PRKAR2B: variants seen among roughly 807,000 people sequenced by gnomAD.
PRKAR2B encodes the protein cAMP-dependent protein kinase type II-beta regulatory subunit.
In PRKAR2B, 14 loss-of-function variants were observed where a neutral mutation model predicts 49.9. The observed-to-expected ratio is 0.28, with a 90% CI of 0.19 to 0.44. PRKAR2B has a LOEUF of 0.44. Ranked by LOEUF, PRKAR2B falls within the 20% of genes least tolerant of loss-of-function variation. The probability of loss-of-function intolerance (pLI) is 1.00; values close to 1 mark genes in which losing one functional copy is unlikely to be tolerated. For missense variants in PRKAR2B, 393 were observed against 537.9 expected, an observed-to-expected ratio of 0.73 and a Z score of 2.67; for synonymous variants, 196 against 197.7, an observed-to-expected ratio of 0.99 and a Z score of 0.07.
At chr7:107,089,393 A>G (rs1794679211) in intron 2 of PRKAR2B, among the ~76,000 whole-genome samples, 1 of 152,150 alleles carries the variant, frequency 6.6e-6, no homozygotes, top group East Asian at 1.9e-4. Context: ...TAACAGATGG[A>G]TTTATCTTCC....
chr7:107,148,325 C>T (rs868699492), intron 6 of PRKAR2B, among the ~76,000 whole-genome samples: 3 of 152,282 alleles, frequency 2.0e-5, no homozygotes, highest in African/African-American at 2.4e-5. Context: ...CCTTGCACAT[C>T]TTCAGAATAA....
chr7:107,065,083 TAC>T (rs1015718476), intron 1 of PRKAR2B, among the ~76,000 whole-genome samples: 10 of 152,238 alleles, frequency 6.6e-5, no homozygotes, highest in Non-Finnish European at 1.2e-4. Flanking sequence ...GGTTTCAATT[TAC>T]ACAGTTTCTA....
intron 3 of PRKAR2B, 97 bp downstream of exon 3, chr7:107,122,101 C>G: frequency 1.4e-6 from 1 of 721,618 alleles, no homozygotes; most frequent in Non-Finnish European, 2.2e-6. Context: ...TGTAGGTTAA[C>G]AGGAGACATA....
chr7:107,145,546 T>C (rs961954510), intron 5 of PRKAR2B, among the ~76,000 whole-genome samples: 1 of 152,124 alleles, frequency 6.6e-6, no homozygotes, highest in Admixed American at 6.5e-5. Flanking sequence ...CAGTCAGTGA[T>C]TTGATAAATG....
intron 2 of PRKAR2B, among the ~76,000 whole-genome samples, chr7:107,110,271 C>T (rs1028572997): frequency 6.6e-6 from 1 of 152,120 alleles, no homozygotes; most frequent in African/African-American, 2.4e-5. Context: ...TGGAAAGTTC[C>T]GGCAAGCCTC....
At chr7:107,093,823 C>T (rs2116803674) in intron 2 of PRKAR2B, among the ~76,000 whole-genome samples, 1 of 152,224 alleles carries the variant, frequency 6.6e-6, no homozygotes, top group Admixed American at 6.5e-5. Flanking sequence ...CATCCATGTC[C>T]CTACAAAGGG....
At chr7:107,100,725 A>G (rs891695925) in intron 2 of PRKAR2B, among the ~76,000 whole-genome samples, 1 of 151,612 alleles carries the variant, frequency 6.6e-6, no homozygotes, top group African/African-American at 2.4e-5. Context: ...TTAATCTGTC[A>G]TCAGGTTCCT....
intron 2 of PRKAR2B, among the ~76,000 whole-genome samples, chr7:107,113,462 C>G (rs1182749222): frequency 1.3e-5 from 2 of 152,086 alleles, no homozygotes; most frequent in Admixed American, 6.5e-5. Flanking sequence ...AAATCCTTAC[C>G]AGACCATTTT....
intron 10 of PRKAR2B, 121 bp downstream of exon 10, chr7:107,157,445 C>G: frequency 7.7e-7 from 1 of 1,298,970 alleles, no homozygotes; most frequent in South Asian, 1.7e-5. Context: ...CAAAAGGTAA[C>G]AAGATTAGGA....
chr7:107,089,630 A>G (rs566221912), intron 2 of PRKAR2B, among the ~76,000 whole-genome samples: 1 of 152,380 alleles, frequency 6.6e-6, no homozygotes, highest in Non-Finnish European at 1.5e-5. Context: ...TCTAAAAACA[A>G]TAAAGCTATT....
At chr7:107,077,522 A>G (rs968711192) in intron 2 of PRKAR2B, 5 of 152,350 alleles carry the variant, frequency 3.3e-5, no homozygotes, top group Admixed American at 2.6e-4. Context: ...AGGTATTTCT[A>G]TTCAGTATTA....
At chr7:107,051,206 T>C (rs936159038) in intron 1 of PRKAR2B, among the ~76,000 whole-genome samples, 5 of 152,242 alleles carry the variant, frequency 3.3e-5, no homozygotes, top group Non-Finnish European at 7.3e-5. Flanking sequence ...ATTTTTTCTG[T>C]CTTCCATCAA....
chr7:107,055,399 CA>C (rs1308603045), intron 1 of PRKAR2B, among the ~76,000 whole-genome samples: 1 of 152,216 alleles, frequency 6.6e-6, no homozygotes, highest in Non-Finnish European at 1.5e-5. Context: ...CTGACTTCCA[CA>C]ATGGTTGAAC....
chr7:107,093,675 T>C (rs1447243449), intron 2 of PRKAR2B, among the ~76,000 whole-genome samples: 7 of 119,556 alleles, frequency 5.9e-5, no homozygotes, highest in Non-Finnish European at 1.0e-4. Flanking sequence ...CCCCACCCCA[T>C]GACAGGCCCC....
At chr7:107,083,775 G>C (rs1407205860) in intron 2 of PRKAR2B, among the ~76,000 whole-genome samples, 1 of 152,016 alleles carries the variant, frequency 6.6e-6, no homozygotes, top group Non-Finnish European at 1.5e-5. Context: ...ACCATGCCTG[G>C]CTAATTTTTG....
At chr7:107,082,412 G>A (rs1351592789) in intron 2 of PRKAR2B, among the ~76,000 whole-genome samples, 1 of 151,972 alleles carries the variant, frequency 6.6e-6, no homozygotes, top group Admixed American at 6.6e-5. Context: ...TATATGAAGA[G>A]AGCTATTTAA....
At chr7:107,103,329 A>C (rs143231207) in intron 2 of PRKAR2B, among the ~76,000 whole-genome samples, 4 of 152,348 alleles carry the variant, frequency 2.6e-5, no homozygotes, top group South Asian at 2.1e-4. Flanking sequence ...GCCAACGTCT[A>C]CCTCACTCTT....
chr7:107,148,728 A>G (rs888836167), intron 6 of PRKAR2B, among the ~76,000 whole-genome samples: 2 of 152,192 alleles, frequency 1.3e-5, no homozygotes, highest in Non-Finnish European at 2.9e-5. Context: ...GTGTGTAAAG[A>G]TAAGCAAAAA....
intron 1 of PRKAR2B, chr7:107,069,991 T>C (rs1375394248): frequency 9.0e-6 from 2 of 222,664 alleles, no homozygotes; most frequent in Non-Finnish European, 1.8e-5. Context: ...TTAAAGGTAT[T>C]GTATTGCTTT....
Sources: allele counts gnomAD v4.1 joint callset (sites outside exome capture counted in the v4.1 genomes callset), GRCh38; gene constraint gnomAD v4.1.1; transcripts MANE v1.5; gene names NCBI Gene and HGNC (gene_info 2026-07-23, HGNC 2026-07-21).